Variants in RSPH9 observed in about 807,000 individuals in gnomAD.
RSPH9 encodes the protein radial spoke head component 9.
RSPH9 carries 27 observed loss-of-function variants against 27.0 expected under a neutral mutation model. The observed-to-expected ratio is 1.00, with a 90% CI of 0.74 to 1.38. The LOEUF is 1.38. Ranked by LOEUF, RSPH9 falls within the 40% of genes most tolerant of loss-of-function variation. The pLI is 0.00. For missense variants in RSPH9, 347 were observed against 357.4 expected (o/e 0.97, Z 0.24); for synonymous variants, 145 against 147.7 (o/e 0.98, Z 0.13).
intron 2 of RSPH9, among the ~76,000 whole-genome samples, chr6:43,651,406 A>G (rs540623806): frequency 8.1e-4 from 123 of 152,248 alleles, no homozygotes; most frequent in Non-Finnish European, 1.6e-3. Context: ...ATATTTTAGT[A>G]TCAGTTTTCA....
chr6:43,663,586 G>C (rs898063963), intron 4 of RSPH9, among the ~76,000 whole-genome samples: 17 of 152,176 alleles, frequency 1.1e-4, no homozygotes, highest in African/African-American at 4.1e-4. Flanking sequence ...GGCCTGAGGA[G>C]AGGGAGAGGG....
Position 43,645,089 on chromosome 6 carries a change from C to G in RSPH9, c.-10C>G, listed in dbSNP as rs771415545. On this transcript the variant is annotated 5_prime_UTR_variant, in exon 1 of 5. Coordinates refer to ENST00000372163, the MANE Select transcript of RSPH9 (RefSeq NM_152732.5). ...CAACTCGACGGGCGTTGAGCGGAGC[C>G]GCTGACCTGATGGACGCCGACAGCC... 2 of 1,608,836 alleles carry G rather than the reference C, an allele frequency of 1.2e-6. No individual in the cohort carries two copies. The highest frequency in any genetic ancestry group is 2.2e-5 in the East Asian group (1 of 44,874).
intron 4 of RSPH9, among the ~76,000 whole-genome samples, chr6:43,660,622 C>T (rs1250583633): frequency 6.6e-6 from 1 of 151,982 alleles, no homozygotes; most frequent in Non-Finnish European, 1.5e-5. Flanking sequence ...CATCACCACA[C>T]CCAGCTAATT....
intron 4 of RSPH9, among the ~76,000 whole-genome samples, chr6:43,657,645 G>T (rs1772165045): frequency 6.6e-6 from 1 of 152,204 alleles, no homozygotes; most frequent in Admixed American, 6.5e-5. Flanking sequence ...CCCAACTGGG[G>T]GGTATCTCAG....
In RSPH9 at chr6:43,650,399, C is replaced by T. The variant is rs761334350; in HGVS notation, c.252C>T (p.Leu84=). The change falls in exon 2 of 5, where the codon CTC becomes CTT. Residue 84 remains leucine (L), a synonymous_variant. Coordinates refer to ENST00000372163, the MANE Select transcript of RSPH9 (RefSeq NM_152732.5). ...LYSLNCTEWS[L]LPPATEEMVA... Reference sequence around the variant, plus strand: ...GCCTGAACTGCACAGAGTGGAGCCTCTTGCCCCCTGCCACAGAGGAGATGG... The same window carrying T: ...GCCTGAACTGCACAGAGTGGAGCCTTTTGCCCCCTGCCACAGAGGAGATGG... 6.2e-7 allele frequency: 1 copy of T among 1,613,536 alleles called. No individual in the cohort carries two copies. Among genetic ancestry groups the T allele is most frequent in the Non-Finnish European group, 8.5e-7 (1 of 1,179,968 alleles).
At chr6:43,652,669 G>A (rs1489063484) in intron 2 of RSPH9, among the ~76,000 whole-genome samples, 23 of 148,834 alleles carry the variant, frequency 1.5e-4, no homozygotes, top group South Asian at 2.1e-4. Context: ...CGGGTGATCC[G>A]CCCGCCTCGG....
rs768034790 is a variant in RSPH9 at position 43,670,879 on chromosome 6, G to C, written c.761G>C (p.Arg254Pro). ...WPGLTFYHAP[R>P]TKNYGYVYVG... The stretch of plus-strand genomic sequence containing the variant: ...GGCCTCACCTTCTACCATGCTCCCC[G>C]CACCAAGAACTATGGCTACGTCTAC... The change falls in exon 5 of 5, where the codon CGC becomes CCC. Residue 254 changes from arginine (R) to proline (P), a missense_variant. Coordinates refer to ENST00000372163, the MANE Select transcript of RSPH9 (RefSeq NM_152732.5). 24 of 1,614,048 alleles carry C rather than the reference G, an allele frequency of 1.5e-5. No homozygotes were observed. Among genetic ancestry groups the C allele is most frequent in the Non-Finnish European group, 1.9e-5 (22 of 1,180,024 alleles).
At chr6:43,660,801 T>A (rs570006994) in intron 4 of RSPH9, among the ~76,000 whole-genome samples, 1 of 152,300 alleles carries the variant, frequency 6.6e-6, no homozygotes, top group South Asian at 2.1e-4. Context: ...AAATGATGAA[T>A]GTTTTCCAAA....
At chr6:43,650,661 C>A in intron 2 of RSPH9, 121 bp downstream of exon 2, 1 of 992,138 alleles carries the variant, frequency 1.0e-6, no homozygotes, top group Non-Finnish European at 1.6e-6. Flanking sequence ...AATCTCAGCA[C>A]TTTGAGAGGC....
At chr6:43,658,935 C>T (rs1187673817) in intron 4 of RSPH9, among the ~76,000 whole-genome samples, 1 of 152,156 alleles carries the variant, frequency 6.6e-6, no homozygotes, top group Admixed American at 6.5e-5. Flanking sequence ...GATCTGCCCG[C>T]TTCAGCCTCC....
At chr6:43,656,460 C>CT in intron 3 of RSPH9, 117 bp from the exon 4 acceptor site, 1 of 1,171,950 alleles carries the variant, frequency 8.5e-7, no homozygotes, top group Non-Finnish European at 1.3e-6. Context: ...CTTTAGCTCT[C>CT]TGACAGTGGT....
chr6:43,666,533 C>G, intron 4 of RSPH9: 3 of 1,514,782 alleles, frequency 2.0e-6, no homozygotes, highest in Non-Finnish European at 2.7e-6. Flanking sequence ...AGGCCAACGA[C>G]TCCGCATCTT....
chr6:43,652,136 A>G (rs56184950), intron 2 of RSPH9, among the ~76,000 whole-genome samples: 2 of 151,164 alleles, frequency 1.3e-5, no homozygotes, highest in Admixed American at 6.6e-5. Context: ...GAAACCCTGT[A>G]TCTACTAAAA....
intron 4 of RSPH9, among the ~76,000 whole-genome samples, chr6:43,662,434 T>C (rs538890816): frequency 6.6e-6 from 1 of 151,288 alleles, no homozygotes; most frequent in Non-Finnish European, 1.5e-5. Context: ...TGGTGCAATC[T>C]CGGCTCACTG....
At chr6:43,666,684 A>G (rs1299377288) in intron 4 of RSPH9, among the ~76,000 whole-genome samples, 1 of 152,158 alleles carries the variant, frequency 6.6e-6, no homozygotes, top group African/African-American at 2.4e-5. Flanking sequence ...TGGCAGGACC[A>G]TCCTCCTGCC....
intron 4 of RSPH9, among the ~76,000 whole-genome samples, chr6:43,663,804 C>G (rs1479736475): frequency 6.6e-6 from 1 of 151,770 alleles, no homozygotes; most frequent in South Asian, 2.1e-4. Context: ...CCGAGGTGGG[C>G]GGATCACTAA....
At chr6:43,647,065 A>T (rs1770958519) in intron 1 of RSPH9, among the ~76,000 whole-genome samples, 1 of 150,768 alleles carries the variant, frequency 6.6e-6, no homozygotes, top group Non-Finnish European at 1.5e-5. Context: ...CGAGAGTTCA[A>T]AGCTGCAGTT....
rs145981281 is a variant in RSPH9, at chr6:43,649,571, T to G, written c.228-804T>G. Among the ~76,000 whole-genome samples the G allele has an allele frequency of 5.4e-3, 822 of 151,610 alleles. 35 individuals are homozygous for G. The highest frequency in any genetic ancestry group is 0.05 in the Admixed American group (764 of 15,228). On this transcript the variant is annotated intron_variant, in intron 1 of 4. Coordinates refer to ENST00000372163, the MANE Select transcript of RSPH9 (RefSeq NM_152732.5). ...GCTGGGGACCTAGGCCCAGGGTATA[T>G]TTGAGAGGAGTGGGAAGGACCTCCT...
chr6:43,671,514 G>A lies in RSPH9; in HGVS notation c.*565G>A. On this transcript the variant is annotated 3_prime_UTR_variant, in exon 5 of 5. Transcript: ENST00000372163. ...GCAAAACTCCTGTCCCCAGCACTGA[G>A]CATGGCCTAAGCCCCATAGCAGCTG... 1 of 562,654 alleles carries A rather than the reference G, an allele frequency of 1.8e-6. No homozygotes were observed. The highest frequency in any genetic ancestry group is 2.0e-5 in the South Asian group (1 of 49,566). 34.9% of individuals were successfully genotyped at this position (562,654 alleles called of 1,614,324 possible).
Sources: gnomAD v4.1 joint callset for allele counts (sites outside exome capture counted in the v4.1 genomes callset) on GRCh38, gnomAD v4.1.1 for gene constraint, MANE v1.5 for transcripts, NCBI Gene and HGNC (gene_info 2026-07-23, HGNC 2026-07-21) for gene names.